Variants in CAMK2B observed in about 807,000 individuals in gnomAD.
CAMK2B encodes calcium/calmodulin-dependent protein kinase type II subunit beta.
A neutral mutation model predicts 93.7 loss-of-function variants in CAMK2B; 27 were observed. That is an observed-to-expected ratio of 0.29 (90% CI 0.21 to 0.40). CAMK2B has a LOEUF of 0.40. Ranked by LOEUF, CAMK2B falls within the 10% of genes least tolerant of loss-of-function variation. The pLI is 1.00. For synonymous variants in CAMK2B, 374 were observed against 358.8 expected (o/e 1.04, Z -0.48); for missense variants, 568 against 895.8 (o/e 0.63, Z 4.67).
chr7:44,231,037 G>C lies in CAMK2B; in HGVS notation c.1194C>G (p.Ala398=). 1 of 1,555,160 alleles carries C rather than the reference G, an allele frequency of 6.4e-7. No individual in the cohort carries two copies. Among genetic ancestry groups the C allele is most frequent in the Non-Finnish European group, 8.7e-7 (1 of 1,149,184 alleles). ...VDGIKESSDS[A]NTTIEDEDAK... is the part of the protein sequence containing the mutation. ...CGTCTTCATCCTCTATGGTGGTATT[G>C]GCACTGTCAGAAGACTCCTGAGGAA... Residue 398 remains alanine, a synonymous_variant, in exon 17 of 24, where the codon GCC becomes GCG. Transcript: ENST00000395749.
At chr7:44,264,220 G>A (rs1014468214) in intron 2 of CAMK2B, among the ~76,000 whole-genome samples, 3 of 152,160 alleles carry the variant, frequency 2.0e-5, no homozygotes, top group Admixed American at 6.5e-5. Flanking sequence ...AAAGAATGAG[G>A]CTGCAACTTC....
chr7:44,229,245 G>T (rs781637745), intron 18 of CAMK2B, 143 bp downstream of exon 18: 40 of 635,446 alleles, frequency 6.3e-5, no homozygotes, highest in Non-Finnish European at 9.6e-5. Flanking sequence ...GGCCACCCTG[G>T]AAAGCCCCAG....
chr7:44,251,352 A>T (rs926356787), intron 5 of CAMK2B, among the ~76,000 whole-genome samples: 1 of 150,338 alleles, frequency 6.7e-6, no homozygotes, highest in Non-Finnish European at 1.5e-5. Flanking sequence ...CCTCTGTCAG[A>T]CTCTCCACCG....
Position 44,231,042 on chromosome 7 carries a change from T to C in CAMK2B, c.1189A>G (p.Ser397Gly). 1.9e-6 allele frequency: 3 copies of C among 1,554,782 alleles called. 1 individual carries two copies. The South Asian group carries it at 3.6e-5, about 18-fold the overall frequency. Reference sequence around the variant, plus strand: ...TCATCCTCTATGGTGGTATTGGCACTGTCAGAAGACTCCTGAGGAAACACG... The same window carrying C: ...TCATCCTCTATGGTGGTATTGGCACCGTCAGAAGACTCCTGAGGAAACACG... ...PVDGIKESSD[S>G]ANTTIEDEDA... The change falls in exon 17 of 24, where the codon AGT becomes GGT. Residue 397 changes from serine to glycine, a missense_variant. Ser to Gly is a moderately conservative substitution (Grantham distance 56). Around this residue, in one of 4 missense-constraint regions of CAMK2B, gnomAD observed 308 missense variants for 292.1 expected, o/e 1.05. Coordinates refer to ENST00000395749, the MANE Select transcript of CAMK2B (RefSeq NM_001220.5).
At chr7:44,288,600 AGCATATTATGGG>A (rs1785791302) in intron 1 of CAMK2B, among the ~76,000 whole-genome samples, 1 of 152,242 alleles carries the variant, frequency 6.6e-6, no homozygotes, top group African/African-American at 2.4e-5. Context: ...CCGGGCACCA[AGCATATTATGGG>A]GCTTTTAAAA....
In CAMK2B at chr7:44,325,532, G is replaced by T; in HGVS notation, c.-111C>A. ...CGGGCGCGGGCGCGGGAGACACCTC[G>T]GCTCGCGGCGCCAGGCGGGGGCCGG... is the stretch of plus-strand genomic sequence containing the variant. On this transcript the variant is annotated 5_prime_UTR_variant, in exon 1 of 24. Transcript: ENST00000395749. The T allele has an allele frequency of 7.4e-6, 4 of 539,956 alleles. No individual in the cohort carries two copies. Among genetic ancestry groups the T allele is most frequent in the South Asian group, 7.8e-5 (1 of 12,796 alleles). 33.4% of individuals were successfully genotyped at this position (539,956 alleles called of 1,614,324 possible).
chr7:44,305,460 G>A (rs1407247438), intron 1 of CAMK2B, among the ~76,000 whole-genome samples: 1 of 152,174 alleles, frequency 6.6e-6, no homozygotes, highest in South Asian at 2.1e-4. Flanking sequence ...CCCAGACTGG[G>A]TGGCAGAGCA....
chr7:44,320,100 T>C (rs1795726534), intron 1 of CAMK2B, among the ~76,000 whole-genome samples: 1 of 152,194 alleles, frequency 6.6e-6, no homozygotes, highest in South Asian at 2.1e-4. Flanking sequence ...TCTGTGTGTG[T>C]TTTACAAGAT....
intron 19 of CAMK2B, among the ~76,000 whole-genome samples, chr7:44,227,237 A>T (rs1309571020): frequency 9.7e-4 from 1 of 1,032 alleles, no homozygotes; most frequent in Non-Finnish European, 2.1e-3. Flanking sequence ...ACAGAGGGGA[A>T]GTGGAAGACA....
intron 20 of CAMK2B, among the ~76,000 whole-genome samples, chr7:44,223,279 G>A (rs891689577): frequency 6.6e-5 from 10 of 152,200 alleles, no homozygotes; most frequent in African/African-American, 2.4e-4. Flanking sequence ...TACTTCTGCT[G>A]CCAGCTTGTC....
In CAMK2B at chr7:44,234,677, C is replaced by T. The variant is rs1207909166; in HGVS notation, c.1022-1G>A. ...GCTTTCTTGTTGAGTAAACTCTTGG[C>T]TGCTGCATGGGGAGGAAGAAGGTAT... On this transcript the variant is annotated splice_acceptor_variant, in intron 13 of 23. Coordinates refer to ENST00000395749, the MANE Select transcript of CAMK2B (RefSeq NM_001220.5). LOFTEE classifies it high-confidence loss of function. 1.2e-6 allele frequency: 2 copies of T among 1,614,078 alleles called. No homozygotes were observed.
At chr7:44,298,245 T>C (rs1279401842) in intron 1 of CAMK2B, among the ~76,000 whole-genome samples, 5 of 152,132 alleles carry the variant, frequency 3.3e-5, no homozygotes, top group African/African-American at 1.2e-4. Context: ...AATTCTCCCA[T>C]ATATTGATTT....
chr7:44,261,890 C>A (rs1325547747), intron 3 of CAMK2B, among the ~76,000 whole-genome samples: 1 of 152,214 alleles, frequency 6.6e-6, no homozygotes, highest in African/African-American at 2.4e-5. Context: ...AGTCTGGATG[C>A]AGTGGGTTGG....
At position 44,283,824 on chromosome 7, in the gene CAMK2B, T is replaced by C. The variant is rs992906633; in HGVS notation, c.160+307A>G. ...CATACACGGGATGGGGAGGTGAAAG[T>C]GGGCCCTGAGAACAACCTAACCAGA... On this transcript the variant is annotated intron_variant, in intron 2 of 23. Coordinates refer to ENST00000395749, the MANE Select transcript of CAMK2B (RefSeq NM_001220.5). 2.0e-5 allele frequency among the ~76,000 whole-genome samples: 3 copies of C among 152,134 alleles called. No individual in the cohort carries two copies. The East Asian group carries it at 5.8e-4, about 29-fold the overall frequency.
Position 44,229,550 on chromosome 7 carries a change from A to G in CAMK2B, c.1226-49T>C, listed in dbSNP as rs776975397. 1.1e-5 allele frequency: 10 copies of G among 915,290 alleles called. No individual in the cohort carries two copies. The South Asian group carries it at 2.4e-4, about 22-fold the overall frequency. 56.7% of individuals were successfully genotyped at this position (915,290 alleles called of 1,614,324 possible). On this transcript the variant is annotated intron_variant, in intron 17 of 23. Transcript: ENST00000395749. Reference sequence around the variant, plus strand: ...GCAGGTGGGTGGTGCGCCCGCAGGAAAAGAAGGCAACTGGAGAAGGACAGG... The same window carrying G: ...GCAGGTGGGTGGTGCGCCCGCAGGAGAAGAAGGCAACTGGAGAAGGACAGG...
intron 1 of CAMK2B, among the ~76,000 whole-genome samples, chr7:44,296,526 T>C (rs1421721708): frequency 1.3e-5 from 2 of 151,996 alleles, no homozygotes; most frequent in Non-Finnish European, 2.9e-5. Context: ...ATATTTGAAG[T>C]AATGTTGACT....
intron 1 of CAMK2B, among the ~76,000 whole-genome samples, chr7:44,320,585 A>T (rs1297918087): frequency 3.3e-5 from 5 of 152,268 alleles, no homozygotes; most frequent in Admixed American, 6.5e-5. Flanking sequence ...ACCAGAAAAG[A>T]AAAGTCCTGG....
intron 2 of CAMK2B, 149 bp from the exon 3 acceptor site, chr7:44,263,213 C>A: frequency 1.5e-6 from 1 of 668,094 alleles, no homozygotes. Flanking sequence ...CCCTTCGTGG[C>A]ACCCCCTGGG....
chr7:44,243,544 G>A lies in CAMK2B; in HGVS notation c.415-17C>T, dbSNP rs1198532353. The A allele has an allele frequency of 3.7e-6, 6 of 1,605,182 alleles. No individual in the cohort carries two copies. The highest frequency in any genetic ancestry group is 3.3e-5 in the Admixed American group (2 of 59,972). Reference sequence around the variant, plus strand: ...GTTCTCCGGCTGCAGGGAGGTGACCGGCACAAGGGTGCATGTTGTTTAAAC... The same window carrying A: ...GTTCTCCGGCTGCAGGGAGGTGACCAGCACAAGGGTGCATGTTGTTTAAAC... On this transcript the variant is annotated splice_polypyrimidine_tract_variant and intron_variant, in intron 6 of 23. Coordinates refer to ENST00000395749, the MANE Select transcript of CAMK2B (RefSeq NM_001220.5).
Sources: gnomAD v4.1 joint callset for allele counts (sites outside exome capture counted in the v4.1 genomes callset) on GRCh38, gnomAD v4.1.1 for gene constraint, gnomAD v4.1.1 regional missense constraint, MANE v1.5 for transcripts, NCBI Gene and HGNC (gene_info 2026-07-23, HGNC 2026-07-21) for gene names.